Variants in NLGN1 observed in about 807,000 individuals in gnomAD.
The protein encoded by NLGN1 is neuroligin-1.
A neutral mutation model predicts 65.5 loss-of-function variants in NLGN1; 12 were observed. The ratio of observed to expected loss-of-function variants is 0.18; its 90% confidence interval spans 0.12 to 0.30. NLGN1 has a LOEUF of 0.30. Ranked by LOEUF, NLGN1 falls within the 10% of genes least tolerant of loss-of-function variation. The pLI is 1.00. For synonymous variants in NLGN1, 350 were observed against 359.5 expected, an observed-to-expected ratio of 0.97 and a Z score of 0.30; for missense variants, 750 against 1,007.1, an observed-to-expected ratio of 0.74 and a Z score of 3.46.
chr3:174,127,340 A>G (rs1403529779), intron 4 of NLGN1, among the ~76,000 whole-genome samples: 1 of 152,192 alleles, frequency 6.6e-6, no homozygotes, highest in African/African-American at 2.4e-5. Context: ...GTTATTTTCT[A>G]TTATTTAAGC....
chr3:173,399,261 C>T (rs970287311), intron 1 of NLGN1, among the ~76,000 whole-genome samples: 1 of 152,146 alleles, frequency 6.6e-6, no homozygotes, highest in African/African-American at 2.4e-5. Context: ...TGCTATTCTG[C>T]AGTTAGTCTT....
chr3:173,807,571 A>T, intron 3 of NLGN1, 109 bp from the exon 4 acceptor site: 1 of 1,233,154 alleles, frequency 8.1e-7, no homozygotes, highest in East Asian at 2.4e-5. Context: ...GCAGTTTAAG[A>T]ACTATATTGA....
chr3:174,234,130 G>A (rs556696292), intron 4 of NLGN1, among the ~76,000 whole-genome samples: 60 of 152,066 alleles, frequency 3.9e-4, no homozygotes, highest in Non-Finnish European at 6.5e-4. Flanking sequence ...CAACCAAGGG[G>A]CATAAGGCAG....
intron 3 of NLGN1, among the ~76,000 whole-genome samples, chr3:173,615,175 C>T (rs1376396168): frequency 6.6e-6 from 1 of 152,084 alleles, no homozygotes; most frequent in Non-Finnish European, 1.5e-5. Context: ...CAGGTAGAAA[C>T]TTTGACTATT....
intron 4 of NLGN1, among the ~76,000 whole-genome samples, chr3:174,197,518 C>CAAAAAAAAAAAAAAAAA (rs10663769): frequency 3.0e-5 from 3 of 100,400 alleles, no homozygotes; most frequent in African/African-American, 4.2e-5. Context: ...TACTTAACCT[C>CAAAAAAAAAAAAAAAAA]AAAAAAAAAA....
chr3:173,898,429 T>TGCATCTAG (rs1200869436), intron 4 of NLGN1, among the ~76,000 whole-genome samples: 2 of 152,196 alleles, frequency 1.3e-5, no homozygotes, highest in Non-Finnish European at 2.9e-5. Flanking sequence ...TTCAGAGATG[T>TGCATCTAG]CACTGTGGTT....
downstream of NLGN1, among the ~76,000 whole-genome samples, chr3:174,291,286 A>G (rs1281910146): frequency 1.3e-5 from 2 of 151,068 alleles, no homozygotes; most frequent in Non-Finnish European, 1.5e-5. Context: ...ACCTTCGAAA[A>G]AGAAAACCAA....
intron 3 of NLGN1, among the ~76,000 whole-genome samples, chr3:173,620,871 A>C (rs984101004): frequency 6.6e-6 from 1 of 152,142 alleles, no homozygotes; most frequent in Non-Finnish European, 1.5e-5. Context: ...GAAAGAAAGC[A>C]AAATCATTTA....
chr3:173,593,342 A>G (rs373187543), intron 2 of NLGN1, among the ~76,000 whole-genome samples: 1 of 152,152 alleles, frequency 6.6e-6, no homozygotes, highest in South Asian at 2.1e-4. Flanking sequence ...CTGTTACCCA[A>G]TAGTTACTTT....
chr3:173,634,140 G>A (rs1040289000), intron 3 of NLGN1, among the ~76,000 whole-genome samples: 16 of 151,922 alleles, frequency 1.1e-4, no homozygotes, highest in African/African-American at 2.7e-4. Flanking sequence ...AAAGAAATAC[G>A]TGTTCTTTGT....
At chr3:173,683,874 CAG>C (rs1022052842) in intron 3 of NLGN1, among the ~76,000 whole-genome samples, 28 of 152,036 alleles carry the variant, frequency 1.8e-4, no homozygotes, top group Non-Finnish European at 2.8e-4. Context: ...GATAAAAAAA[CAG>C]AGGGTGAGGC....
At chr3:174,106,745 A>T (rs1416129022) in intron 4 of NLGN1, among the ~76,000 whole-genome samples, 9 of 151,840 alleles carry the variant, frequency 5.9e-5, no homozygotes, top group Admixed American at 3.9e-4. Flanking sequence ...AAGCTGGAGA[A>T]CTCAGAGAGC....
rs575953613 is a variant in NLGN1 at position 174,175,985 on chromosome 3, TG to T, written c.647-99329del. Among the ~76,000 whole-genome samples, 627 of 152,034 alleles carry T rather than the reference TG, an allele frequency of 4.1e-3. 4 individuals are homozygous for T. The highest frequency in any genetic ancestry group is 0.014 in the African/African-American group (600 of 41,546). ...CTTCTCATTCACCACAAAGAGCATA[TG>T]TTTTTCATATTAAATCTGCCTACTT... On this transcript the variant is annotated intron_variant, in intron 4 of 6. Coordinates refer to ENST00000457714, the Ensembl canonical transcript of NLGN1.
chr3:173,933,970 T>C (rs1251379313), intron 4 of NLGN1, among the ~76,000 whole-genome samples: 1 of 151,870 alleles, frequency 6.6e-6, no homozygotes, highest in East Asian at 1.9e-4. Context: ...AATAAAGAAA[T>C]ATTCCTCTCA....
intron 3 of NLGN1, among the ~76,000 whole-genome samples, chr3:173,747,801 C>CTTCTTCTTTTTTT (rs1775714048): frequency 1.7e-4 from 11 of 64,422 alleles, no homozygotes; most frequent in African/African-American, 4.4e-4. Context: ...TCTTCTTGTT[C>CTTCTTCTTTTTTT]TTTTTTTTTT....
At chr3:173,915,455 A>C (rs1740541143) in intron 4 of NLGN1, among the ~76,000 whole-genome samples, 1 of 152,188 alleles carries the variant, frequency 6.6e-6, no homozygotes, top group African/African-American at 2.4e-5. Context: ...GCAGGAAGAA[A>C]ATGTATTGCT....
intron 4 of NLGN1, among the ~76,000 whole-genome samples, chr3:174,004,419 A>T (rs1184584394): frequency 6.6e-6 from 1 of 152,140 alleles, no homozygotes; most frequent in African/African-American, 2.4e-5. Context: ...TGATTCGGTC[A>T]CTTCTTGCAA....
At chr3:173,639,767 T>A (rs1391504799) in intron 3 of NLGN1, among the ~76,000 whole-genome samples, 1 of 152,094 alleles carries the variant, frequency 6.6e-6, no homozygotes, top group East Asian at 1.9e-4. Flanking sequence ...GTTAAGGAAA[T>A]GGTTTGTCCT....
intron 4 of NLGN1, among the ~76,000 whole-genome samples, chr3:174,152,147 T>C (rs1313646449): frequency 7.9e-6 from 1 of 126,620 alleles, no homozygotes; most frequent in Admixed American, 7.4e-5. Flanking sequence ...AATCATTAAC[T>C]AAAACTTTAG....
Sources: allele counts gnomAD v4.1 joint callset (sites outside exome capture counted in the v4.1 genomes callset), GRCh38; gene constraint gnomAD v4.1.1; transcripts MANE v1.5; gene names NCBI Gene and HGNC (gene_info 2026-07-23, HGNC 2026-07-21).